Variants in AGBL4 observed in about 807,000 individuals in gnomAD.
The protein encoded by AGBL4 is AGBL carboxypeptidase 4.
In AGBL4, 58 loss-of-function variants were observed where a neutral mutation model predicts 66.4. The ratio of observed to expected loss-of-function variants is 0.87; its 90% CI spans 0.71 to 1.09. The LOEUF is 1.09. Among genes scored for constraint, AGBL4 ranks in the 50% least tolerant of loss-of-function variants. The probability of loss-of-function intolerance (pLI) is 0.00; values close to 1 mark genes in which losing one functional copy is unlikely to be tolerated. For synonymous variants in AGBL4, 234 were observed against 222.9 expected (o/e 1.05, Z -0.44); for missense variants, 579 against 631.0 (o/e 0.92, Z 0.88).
chr1:49,506,865 G>A (rs938406060), intron 3 of AGBL4, among the ~76,000 whole-genome samples: 2 of 151,920 alleles, frequency 1.3e-5, no homozygotes, highest in African/African-American at 4.8e-5. Context: ...AGATAAGCTG[G>A]GCTGGACCTG....
chr1:49,601,866 C>T (rs549803014), intron 3 of AGBL4, among the ~76,000 whole-genome samples: 6 of 152,236 alleles, frequency 3.9e-5, no homozygotes, highest in Admixed American at 1.3e-4. Flanking sequence ...ATCAATTAAA[C>T]TAAAGAGCTT....
At chr1:49,401,477 C>T (rs1029967379) in intron 3 of AGBL4, among the ~76,000 whole-genome samples, 1 of 152,142 alleles carries the variant, frequency 6.6e-6, no homozygotes, top group Non-Finnish European at 1.5e-5. Flanking sequence ...AGTAGATTTG[C>T]ACATGTTGAA....
At chr1:48,604,900 G>T (rs1307992767) in intron 9 of AGBL4, among the ~76,000 whole-genome samples, 1 of 152,206 alleles carries the variant, frequency 6.6e-6, no homozygotes, top group Non-Finnish European at 1.5e-5. Flanking sequence ...AACAATGCAA[G>T]CCCCTTCATC....
chr1:49,717,827 T>C (rs1267875801), intron 2 of AGBL4, among the ~76,000 whole-genome samples: 2 of 152,032 alleles, frequency 1.3e-5, no homozygotes, highest in East Asian at 3.9e-4. Flanking sequence ...CAAAAGTTGT[T>C]AAGTAAAATA....
chr1:48,947,809 T>C (rs755877006), intron 5 of AGBL4, among the ~76,000 whole-genome samples: 5 of 151,884 alleles, frequency 3.3e-5, no homozygotes, highest in Non-Finnish European at 1.5e-5. Context: ...CACTAAAGTA[T>C]GAATGATGGA....
At chr1:48,546,207 A>T (rs1463809688) in intron 11 of AGBL4, among the ~76,000 whole-genome samples, 1 of 152,246 alleles carries the variant, frequency 6.6e-6, no homozygotes, top group African/African-American at 2.4e-5. Flanking sequence ...CAGATGAGGA[A>T]ATTGAAAATC....
At chr1:48,597,053 G>A (rs1311807606) in intron 9 of AGBL4, among the ~76,000 whole-genome samples, 3 of 152,074 alleles carry the variant, frequency 2.0e-5, no homozygotes, top group African/African-American at 7.2e-5. Context: ...CTCCAGGTGA[G>A]AATGCTTATC....
intron 3 of AGBL4, among the ~76,000 whole-genome samples, chr1:49,585,034 A>G (rs1644621671): frequency 6.6e-6 from 1 of 152,234 alleles, no homozygotes; most frequent in Non-Finnish European, 1.5e-5. Flanking sequence ...AAAAGTGTAT[A>G]TTCAATTCAA....
At chr1:48,760,708 G>C (rs985323825) in intron 6 of AGBL4, among the ~76,000 whole-genome samples, 2 of 152,068 alleles carry the variant, frequency 1.3e-5, no homozygotes, top group Admixed American at 6.6e-5. Flanking sequence ...ATCAGACCAT[G>C]GTCAATGCAG....
At position 49,320,279 on chromosome 1, in the gene AGBL4, C is replaced by G. The variant is rs142016078; in HGVS notation, c.283-74415G>C. Among the ~76,000 whole-genome samples the G allele has an allele frequency of 2.4e-3, 361 of 152,120 alleles. 1 individual carries two copies. Among genetic ancestry groups the G allele is most frequent in the Non-Finnish European group, 4.3e-3 (294 of 68,002 alleles). ...TTTGAAGGGAAAAAAAAAATTTAAA[C>G]CATAGCACATATGCTGACATTTCTC... On this transcript the variant is annotated intron_variant, in intron 3 of 13. Coordinates refer to ENST00000371839, the MANE Select transcript of AGBL4 (RefSeq NM_032785.4).
At chr1:49,482,995 T>C (rs1475067156) in intron 3 of AGBL4, among the ~76,000 whole-genome samples, 1 of 152,084 alleles carries the variant, frequency 6.6e-6, no homozygotes, top group Non-Finnish European at 1.5e-5. Context: ...AATGTTATGA[T>C]TTCAGTTATT....
At chr1:48,657,363 C>T (rs547203155) in intron 7 of AGBL4, among the ~76,000 whole-genome samples, 2 of 152,020 alleles carry the variant, frequency 1.3e-5, no homozygotes, top group East Asian at 1.9e-4. Flanking sequence ...CTGTTCCAGC[C>T]GAAAAAAACC....
intron 5 of AGBL4, among the ~76,000 whole-genome samples, chr1:48,956,238 A>C (rs1657436106): frequency 6.6e-6 from 1 of 152,208 alleles, no homozygotes; most frequent in Non-Finnish European, 1.5e-5. Context: ...CTTGGCCCTC[A>C]GTGGCATCTG....
intron 5 of AGBL4, among the ~76,000 whole-genome samples, chr1:48,898,466 A>T (rs1651753050): frequency 6.6e-6 from 1 of 152,034 alleles, no homozygotes; most frequent in African/African-American, 2.4e-5. Flanking sequence ...ATCCATTTTG[A>T]TTTGATTTTT....
intron 5 of AGBL4, among the ~76,000 whole-genome samples, chr1:48,873,587 A>T (rs1371655900): frequency 6.6e-6 from 1 of 152,036 alleles, no homozygotes; most frequent in Non-Finnish European, 1.5e-5. Context: ...CTAGCCTAGC[A>T]CCTGACCAAC....
intron 6 of AGBL4, among the ~76,000 whole-genome samples, chr1:48,849,087 G>A (rs1646978400): frequency 6.6e-6 from 1 of 152,198 alleles, no homozygotes; most frequent in Admixed American, 6.5e-5. Flanking sequence ...GCCAGATGTG[G>A]AAAGGAAAAT....
rs975725281 is a variant in AGBL4 at position 48,891,913 on chromosome 1, C to A, written c.595-24683G>T. Among the ~76,000 whole-genome samples, 13 of 152,038 alleles carry A rather than the reference C, an allele frequency of 8.6e-5. 1 individual carries two copies. The highest frequency in any genetic ancestry group is 6.5e-4 in the Admixed American group (10 of 15,268). Reference sequence around the variant, plus strand: ...ACCCTAGGAATTAATAGCTTATGTTCTAATAAAGGGAAGAGCAGAAATAAA... The same window carrying A: ...ACCCTAGGAATTAATAGCTTATGTTATAATAAAGGGAAGAGCAGAAATAAA... On this transcript the variant is annotated intron_variant, in intron 5 of 13. Transcript: ENST00000371839.
Position 49,515,497 on chromosome 1 carries a change from A to G in AGBL4, c.282+181816T>C, listed in dbSNP as rs376256692. ...TAGTGTGGCGATTCCTCAGGGATCT[A>G]GAACTAGAAATACCATTTGACCCAG... On this transcript the variant is annotated intron_variant, in intron 3 of 13. Coordinates refer to ENST00000371839, the MANE Select transcript of AGBL4 (RefSeq NM_032785.4). Among the ~76,000 whole-genome samples the G allele has an allele frequency of 9.9e-5, 15 of 151,982 alleles. No individual in the cohort carries two copies. The East Asian group carries it at 2.5e-3, about 26-fold the overall frequency.
chr1:49,494,057 C>G (rs1384467812), intron 3 of AGBL4, among the ~76,000 whole-genome samples: 1 of 151,942 alleles, frequency 6.6e-6, no homozygotes, highest in Non-Finnish European at 1.5e-5. Context: ...AGAGCTTACT[C>G]TGTTCTAACC....
Sources: gnomAD v4.1 joint callset for allele counts (sites outside exome capture counted in the v4.1 genomes callset) on GRCh38, gnomAD v4.1.1 for gene constraint, MANE v1.5 for transcripts, NCBI Gene and HGNC (gene_info 2026-07-23, HGNC 2026-07-21) for gene names.